The following RASA1 variants were observed in gnomAD, a reference collection of about 807,000 sequenced individuals.
The protein encoded by RASA1 is ras GTPase-activating protein 1.
RASA1 carries 25 observed loss-of-function variants against 132.2 expected under a neutral mutation model. The ratio of observed to expected loss-of-function variants is 0.19; its 90% CI spans 0.14 to 0.26. RASA1 has a LOEUF of 0.26. Ranked by LOEUF, RASA1 falls within the 10% of genes least tolerant of loss-of-function variation. The pLI, the probability that RASA1 is intolerant of heterozygous loss-of-function variation, is 1.00. For missense variants in RASA1, 964 were observed against 1,299.2 expected, an observed-to-expected ratio of 0.74 and a Z score of 3.97; for synonymous variants, 477 against 449.9, an observed-to-expected ratio of 1.06 and a Z score of -0.76.
intron 13 of RASA1, among the ~76,000 whole-genome samples, chr5:87,373,007 T>C (rs2112482023): frequency 6.6e-6 from 1 of 152,310 alleles, no homozygotes; most frequent in East Asian, 1.9e-4. Flanking sequence ...CATGTCTTCA[T>C]AACATTGTAA....
At chr5:87,378,197 G>A (rs542355519) in intron 17 of RASA1, among the ~76,000 whole-genome samples, 199 bp from the exon 18 acceptor site, 1 of 152,232 alleles carries the variant, frequency 6.6e-6, no homozygotes, top group South Asian at 2.1e-4. Flanking sequence ...ATCTAATGAG[G>A]TAATACATAT....
At chr5:87,309,443 A>G (rs972395007) in intron 1 of RASA1, among the ~76,000 whole-genome samples, 2 of 152,240 alleles carry the variant, frequency 1.3e-5, no homozygotes, top group Admixed American at 1.3e-4. Flanking sequence ...AGACTTGAAG[A>G]TAAGTATATG....
At chr5:87,310,752 T>C (rs1179361148) in intron 1 of RASA1, among the ~76,000 whole-genome samples, 1 of 152,198 alleles carries the variant, frequency 6.6e-6, no homozygotes, top group African/African-American at 2.4e-5. Context: ...ATAATACTAA[T>C]GTATTATTTG....
intron 1 of RASA1, among the ~76,000 whole-genome samples, chr5:87,301,948 T>C (rs1249597647): frequency 6.6e-6 from 1 of 152,214 alleles, no homozygotes; most frequent in Non-Finnish European, 1.5e-5. Context: ...CTACTAGTGA[T>C]GGACATGACA....
intron 1 of RASA1, among the ~76,000 whole-genome samples, chr5:87,322,079 T>G (rs1756860602): frequency 6.6e-6 from 1 of 152,180 alleles, no homozygotes; most frequent in Non-Finnish European, 1.5e-5. Flanking sequence ...GGTGGGTGTT[T>G]GGATCATAAA....
intron 17 of RASA1, among the ~76,000 whole-genome samples, chr5:87,378,063 G>C (rs76494603): frequency 7.4e-4 from 112 of 152,276 alleles, no homozygotes; most frequent in Middle Eastern, 3.4e-3. Context: ...GGGTCAATGG[G>C]CAGCAAAGCT....
At chr5:87,303,680 T>C (rs931843214) in intron 1 of RASA1, among the ~76,000 whole-genome samples, 15 of 152,036 alleles carry the variant, frequency 9.9e-5, no homozygotes, top group African/African-American at 3.6e-4. Context: ...CGCTTTTTGA[T>C]TCAGCATATG....
intron 1 of RASA1, among the ~76,000 whole-genome samples, chr5:87,303,303 C>T (rs1755461381): frequency 6.6e-6 from 1 of 151,614 alleles, no homozygotes; most frequent in South Asian, 2.1e-4. Context: ...ATTTTTTTTC[C>T]TGAAGTCTTA....
At chr5:87,387,090 T>TA (rs1417403916) in intron 23 of RASA1, among the ~76,000 whole-genome samples, 187 bp downstream of exon 23, 3 of 152,188 alleles carry the variant, frequency 2.0e-5, no homozygotes, top group African/African-American at 7.2e-5. Flanking sequence ...CATTTATTCT[T>TA]ACACTAAATA....
At chr5:87,269,073 C>G (rs188520617) in intron 1 of RASA1, 83 bp downstream of exon 1, 20 of 1,613,976 alleles carry the variant, frequency 1.2e-5, no homozygotes, top group Admixed American at 1.2e-4. Flanking sequence ...ATACTTTGTC[C>G]TTTTCATCTG....
At chr5:87,310,193 A>C (rs1349341603) in intron 1 of RASA1, among the ~76,000 whole-genome samples, 20 of 152,146 alleles carry the variant, frequency 1.3e-4, no homozygotes, top group Non-Finnish European at 1.9e-4. Context: ...GACATTCCTA[A>C]ATTTCTGAAA....
intron 1 of RASA1, among the ~76,000 whole-genome samples, chr5:87,293,417 A>C (rs556172870): frequency 3.9e-5 from 6 of 152,270 alleles, no homozygotes; most frequent in African/African-American, 1.2e-4. Flanking sequence ...ATTTTTAAAA[A>C]TGTTGAGCCA....
At chr5:87,288,178 A>G (rs1754761879) in intron 1 of RASA1, among the ~76,000 whole-genome samples, 1 of 148,620 alleles carries the variant, frequency 6.7e-6, no homozygotes, top group Non-Finnish European at 1.5e-5. Context: ...CACACCATAT[A>G]TATATATATA....
At chr5:87,368,783 T>C (rs1387987569) in intron 11 of RASA1, among the ~76,000 whole-genome samples, 1 of 152,194 alleles carries the variant, frequency 6.6e-6, no homozygotes, top group Non-Finnish European at 1.5e-5. Context: ...GGCAACTGCC[T>C]TGAACGGAAA....
chr5:87,374,832 T>C lies in RASA1; in HGVS notation c.1935-8T>C. ...TTTTGTTAATTCTTTTTCTCCTTGC[T>C]CCTTTAGTGATCTTCCTCCTGACAT... On this transcript the variant is annotated splice_region_variant and splice_polypyrimidine_tract_variant and intron_variant, in intron 14 of 24. Transcript: ENST00000274376. The C allele has an allele frequency of 2.5e-6, 4 of 1,609,716 alleles. No individual in the cohort carries two copies. The highest frequency in any genetic ancestry group is 3.4e-6 in the Non-Finnish European group (4 of 1,177,658).
chr5:87,300,661 AATT>A (rs1351902931), intron 1 of RASA1, among the ~76,000 whole-genome samples: 3 of 152,230 alleles, frequency 2.0e-5, no homozygotes, highest in African/African-American at 7.2e-5. Context: ...TCTACAATTT[AATT>A]ATTTTGTTGT....
intron 1 of RASA1, among the ~76,000 whole-genome samples, chr5:87,328,377 TATA>T (rs1757384937): frequency 1.3e-5 from 2 of 152,168 alleles, no homozygotes; most frequent in Non-Finnish European, 2.9e-5. Flanking sequence ...TTTAAAGAGA[TATA>T]ATAAGGCTTT....
Position 87,389,500 on chromosome 5 carries a change from G to A in RASA1, c.3033G>A (p.Thr1011=), listed in dbSNP as rs780778907. Residue 1011 remains threonine, a synonymous_variant, in exon 24 of 25, where the codon ACG becomes ACA. Transcript: ENST00000274376. ...TGGCTCATTCAGATGAACTTCGAAC[G>A]CTCAGTAATGAGCGTGGTGCACAGC... is the stretch of plus-strand genomic sequence containing the variant. The part of the protein sequence containing the change: ...ICVAHSDELR[T]LSNERGAQQH... The A allele has an allele frequency of 4.3e-6, 7 of 1,614,062 alleles. No individual in the cohort carries two copies. The highest frequency in any genetic ancestry group is 1.7e-4 in the Middle Eastern group (1 of 6,058).
intron 1 of RASA1, among the ~76,000 whole-genome samples, chr5:87,308,919 T>G (rs186505511): frequency 5.5e-4 from 84 of 152,286 alleles, no homozygotes; most frequent in Non-Finnish European, 8.8e-5. Context: ...GTCTGCACAA[T>G]GATGAAATTG....
Sources: allele counts gnomAD v4.1 joint callset (sites outside exome capture counted in the v4.1 genomes callset), GRCh38; gene constraint gnomAD v4.1.1; transcripts MANE v1.5; gene names NCBI Gene and HGNC (gene_info 2026-07-23, HGNC 2026-07-21).